The following CARD6 variants were observed in gnomAD, a reference collection of about 807,000 sequenced individuals.
The protein encoded by CARD6 is caspase recruitment domain-containing protein 6.
In CARD6, 27 loss-of-function variants were observed where a neutral mutation model predicts 23.6. The ratio of observed to expected loss-of-function variants is 1.14; its 90% CI spans 0.84 to 1.58. The LOEUF (loss-of-function observed/expected upper bound fraction) is 1.58. CARD6 is among the 40% of genes most tolerant of loss of function. The probability of loss-of-function intolerance (pLI) is 0.00; values close to 1 mark genes in which losing one functional copy is unlikely to be tolerated. For missense variants in CARD6, 1,214 were observed against 1,209.9 expected (o/e 1.00, Z -0.05); for synonymous variants, 397 against 431.8 (o/e 0.92, Z 1.00).
chr5:40,843,333 T>C lies in CARD6; in HGVS notation c.465T>C (p.Tyr155=). The C allele has an allele frequency of 1.9e-6, 3 of 1,614,098 alleles. No homozygotes were observed. The highest frequency in any genetic ancestry group is 2.5e-6 in the Non-Finnish European group (3 of 1,180,020). The change falls in exon 2 of 3, where the codon TAT becomes TAC. Residue 155 remains tyrosine, a synonymous_variant. Coordinates refer to ENST00000254691, the MANE Select transcript of CARD6 (RefSeq NM_032587.4). Reference sequence around the variant, plus strand: ...TTTTCAGGGACAAGAAAACTAGTTATAGGGAAACAGCTTTGTCTGCCAGGA... The same window carrying C: ...TTTTCAGGGACAAGAAAACTAGTTACAGGGAAACAGCTTTGTCTGCCAGGA... ...SEFFRDKKTS[Y]RETALSARKN...
At position 40,853,831 on chromosome 5, in the gene CARD6, A is replaced by C; in HGVS notation, c.2499A>C (p.Pro833=). 6.2e-7 allele frequency: 1 copy of C among 1,614,218 alleles called. No homozygotes were observed. Among genetic ancestry groups the C allele is most frequent in the Non-Finnish European group, 8.5e-7 (1 of 1,180,036 alleles). The part of the protein sequence containing the change: ...CQHVQACPER[P]QMMGTLERSR... Reference sequence around the variant, plus strand: ...ATGTACAGGCCTGCCCTGAGAGACCACAAATGATGGGAACTCTTGAAAGGT... The same window carrying C: ...ATGTACAGGCCTGCCCTGAGAGACCCCAAATGATGGGAACTCTTGAAAGGT... Residue 833 remains proline (P), a synonymous_variant, in exon 3 of 3, where the codon CCA becomes CCC. Coordinates refer to ENST00000254691, the MANE Select transcript of CARD6 (RefSeq NM_032587.4).
In CARD6 at chr5:40,841,622, T is replaced by C; in HGVS notation, c.240T>C (p.Phe80=). Residue 80 remains phenylalanine (F), a synonymous_variant, in exon 1 of 3, where the codon TTT becomes TTC. Coordinates refer to ENST00000254691, the MANE Select transcript of CARD6 (RefSeq NM_032587.4). ...GTCAGCATTTTCTCAAGTGTTTATT[T>C]AGTACTTTTCCACAGTCAGCTGCCA... The part of the protein sequence containing the change: ...ATCQHFLKCL[F]STFPQSAAIC... The C allele has an allele frequency of 6.2e-7, 1 of 1,614,148 alleles. No homozygotes were observed. The highest frequency in any genetic ancestry group is 1.3e-5 in the African/African-American group (1 of 75,046).
chr5:40,853,873 C>T lies in CARD6; in HGVS notation c.2541C>T (p.Ser847=). The change falls in exon 3 of 3, where the codon TCC becomes TCT. Residue 847 remains serine, a synonymous_variant. Coordinates refer to ENST00000254691, the MANE Select transcript of CARD6 (RefSeq NM_032587.4). ...GTLERSRAVA[S]KIGHSYSLDS... is the part of the protein sequence containing the mutation. ...TTGAAAGGTCTAGGGCAGTAGCCTC[C>T]AAGATAGGTCACTCCTATTCCCTGG... 6.2e-7 allele frequency: 1 copy of T among 1,614,166 alleles called. No homozygotes were observed. The highest frequency in any genetic ancestry group is 1.1e-5 in the South Asian group (1 of 91,084).
At chr5:40,851,679 G>A (rs970680278) in intron 2 of CARD6, among the ~76,000 whole-genome samples, 2 of 152,040 alleles carry the variant, frequency 1.3e-5, no homozygotes, top group African/African-American at 4.8e-5. Context: ...AGCCGGGCAT[G>A]GTGGCATACA....
At chr5:40,845,280 A>G (rs1467496584) in intron 2 of CARD6, among the ~76,000 whole-genome samples, 1 of 152,110 alleles carries the variant, frequency 6.6e-6, no homozygotes, top group Non-Finnish European at 1.5e-5. Context: ...ATATGCCTTC[A>G]CCTTCAAATG....
chr5:40,848,209 T>TG (rs1745996576), intron 2 of CARD6, among the ~76,000 whole-genome samples: 1 of 145,686 alleles, frequency 6.9e-6, no homozygotes, highest in African/African-American at 2.6e-5. Flanking sequence ...TAATTTTAAT[T>TG]GTTTTTTTTT....
Position 40,852,608 on chromosome 5 carries a change from G to A in CARD6, c.1276G>A (p.Asp426Asn), listed in dbSNP as rs148937373. 22 of 1,614,048 alleles carry A rather than the reference G, an allele frequency of 1.4e-5. No homozygotes were observed. Among genetic ancestry groups the A allele is most frequent in the Non-Finnish European group, 5.1e-6 (6 of 1,180,030 alleles). The change falls in exon 3 of 3, where the codon GAC becomes AAC. Residue 426 changes from aspartate to asparagine, a missense_variant. Transcript: ENST00000254691. ...CATCTTAATGCTGGGGGCCATGAAA[G>A]ACATTGTGAAGAAGCAGTCAACACA... ...KSILMLGAMK[D>N]IVKKQSTQFS...
At position 40,853,223 on chromosome 5, in the gene CARD6, G is replaced by T. The variant is rs1340324547; in HGVS notation, c.1891G>T (p.Glu631Ter). ...NMEGLQAALQEVMFSSCLRCV... is the reference protein window; with the variant it reads ...NMEGLQAALQ ...GGAGGGCCTTCAAGCTGCCCTCCAGGAAGTGATGTTCTCTTCTTGCCTCAG... is the reference window on the plus strand; with the variant it reads ...GGAGGGCCTTCAAGCTGCCCTCCAGTAAGTGATGTTCTCTTCTTGCCTCAG... The change falls in exon 3 of 3, where the codon GAA (glutamate) becomes TAA (stop). Residue 631 changes from glutamate (E) to a stop codon, truncating the protein, a stop_gained. Transcript: ENST00000254691. LOFTEE classifies it low-confidence loss of function (END_TRUNC). The T allele has an allele frequency of 6.2e-7, 1 of 1,614,078 alleles. No homozygotes were observed. The highest frequency in any genetic ancestry group is 8.5e-7 in the Non-Finnish European group (1 of 1,180,046).
chr5:40,843,897 G>A (rs1363573932), intron 2 of CARD6, among the ~76,000 whole-genome samples, 188 bp downstream of exon 2: 1 of 152,144 alleles, frequency 6.6e-6, no homozygotes, highest in Non-Finnish European at 1.5e-5. Flanking sequence ...GAGCTCCCAG[G>A]ACCTAGGAAA....
rs753961660 is a variant in CARD6, at chr5:40,841,618, T to G, written c.236T>G (p.Leu79Ter). 16 of 1,614,084 alleles carry G rather than the reference T, an allele frequency of 9.9e-6. No homozygotes were observed. In the South Asian group the frequency reaches 1.8e-4, roughly 18 times the overall value. The change falls in exon 1 of 3, where the codon TTA becomes TGA. Residue 79 changes from leucine (L) to a stop codon, truncating the protein, a stop_gained. Transcript: ENST00000254691. LOFTEE classifies it high-confidence loss of function. ...ACCTGTCAGCATTTTCTCAAGTGTT[T>G]ATTTAGTACTTTTCCACAGTCAGCT... ...EATCQHFLKC[L>*]FSTFPQSAAI... is the part of the protein sequence containing the mutation.
intron 2 of CARD6, among the ~76,000 whole-genome samples, chr5:40,848,657 A>G (rs866116543): frequency 1.3e-4 from 20 of 151,402 alleles, no homozygotes; most frequent in African/African-American, 4.6e-4. Flanking sequence ...GGTCATAGAG[A>G]CTCTAGATTG....
rs774583004 is a variant in CARD6, at chr5:40,843,437, C to A, written c.569C>A (p.Thr190Asn). ...VEKVGCEVPA[T>N]ITYIKDGQRY... is the part of the protein sequence containing the mutation. ...AAAGTTGGATGTGAAGTTCCAGCAA[C>A]TATTACATATATAAAAGATGGACAG... The change falls in exon 2 of 3, where the codon ACT (threonine) becomes AAT (asparagine). Residue 190 changes from threonine to asparagine, a missense_variant. Physicochemically the swap from Thr to Asn is moderately conservative, Grantham distance 65. Coordinates refer to ENST00000254691, the MANE Select transcript of CARD6 (RefSeq NM_032587.4). 4.3e-6 allele frequency: 7 copies of A among 1,613,780 alleles called. No homozygotes were observed. In the African/African-American group the frequency reaches 9.3e-5, roughly 22 times the overall value.
chr5:40,850,803 T>C (rs1210659566), intron 2 of CARD6, among the ~76,000 whole-genome samples: 4 of 151,854 alleles, frequency 2.6e-5, no homozygotes, highest in Non-Finnish European at 5.9e-5. Flanking sequence ...TTAATAAATT[T>C]TTTTTTCATT....
In CARD6 at chr5:40,852,120, T is replaced by A. The variant is rs145442851; in HGVS notation, c.842-54T>A. The A allele has an allele frequency of 1.3e-3, 1,492 of 1,169,712 alleles. 7 individuals carry two copies. In the African/African-American group the frequency reaches 0.016, roughly 13 times the overall value. 72.5% of individuals were successfully genotyped at this position (1,169,712 alleles called of 1,614,324 possible). A position where few individuals can be genotyped will look rare whatever the true frequency, so the allele number is the denominator to read the frequency against. ...AGACTGTCTCAAAAAAAGAAGTCGA[T>A]GGGGAAAATTGAAACTCTGAACATG... is the stretch of plus-strand genomic sequence containing the variant. On this transcript the variant is annotated intron_variant, in intron 2 of 2. Coordinates refer to ENST00000254691, the MANE Select transcript of CARD6 (RefSeq NM_032587.4).
intron 1 of CARD6, among the ~76,000 whole-genome samples, chr5:40,842,763 C>T (rs983067591): frequency 7.9e-5 from 12 of 152,046 alleles, no homozygotes; most frequent in Admixed American, 2.6e-4. Flanking sequence ...GGTGGCTGGG[C>T]GCTGTGGCTC....
chr5:40,853,212 C>T lies in CARD6; in HGVS notation c.1880C>T (p.Ala627Val). Residue 627 changes from alanine (A) to valine (V), a missense_variant, in exon 3 of 3, where the codon GCT becomes GTT. By Grantham distance (64) the Ala-to-Val change is moderately conservative (BLOSUM62 0). Transcript: ENST00000254691. ...DRRKNMEGLQ[A>V]ALQEVMFSSC... is the part of the protein sequence containing the mutation. Reference sequence around the variant, plus strand: ...AGGAAGAACATGGAGGGCCTTCAAGCTGCCCTCCAGGAAGTGATGTTCTCT... The same window carrying T: ...AGGAAGAACATGGAGGGCCTTCAAGTTGCCCTCCAGGAAGTGATGTTCTCT... 6.2e-7 allele frequency: 1 copy of T among 1,614,134 alleles called. No individual in the cohort carries two copies. Among genetic ancestry groups the T allele is most frequent in the Non-Finnish European group, 8.5e-7 (1 of 1,179,998 alleles).
chr5:40,841,376 A>G lies in CARD6; in HGVS notation c.-7A>G, dbSNP rs544647660. Reference sequence around the variant, plus strand: ...ATATATTTCCTGGTTTAGAGGAAACAGGAACAATGGCTACCGAGAGTACTC... The same window carrying G: ...ATATATTTCCTGGTTTAGAGGAAACGGGAACAATGGCTACCGAGAGTACTC... On this transcript the variant is annotated 5_prime_UTR_variant, in exon 1 of 3. Coordinates refer to ENST00000254691, the MANE Select transcript of CARD6 (RefSeq NM_032587.4). 23 of 1,582,080 alleles carry G rather than the reference A, an allele frequency of 1.5e-5. No individual in the cohort carries two copies. The South Asian group carries it at 2.5e-4, about 17-fold the overall frequency.
chr5:40,842,859 G>A (rs1366276125), intron 1 of CARD6, among the ~76,000 whole-genome samples: 2 of 152,110 alleles, frequency 1.3e-5, no homozygotes, highest in Non-Finnish European at 2.9e-5. Context: ...CCAACATAGT[G>A]AAACACTGTC....
intron 2 of CARD6, among the ~76,000 whole-genome samples, chr5:40,844,441 G>A (rs837388): frequency 0.6 from 90,675 of 151,926 alleles, 28,106 homozygotes; most frequent in African/African-American, 0.79. Flanking sequence ...ATGTTGCTCA[G>A]GCTGGTCTCG....
Sources: gnomAD v4.1 joint callset for allele counts (sites outside exome capture counted in the v4.1 genomes callset) on GRCh38, gnomAD v4.1.1 for gene constraint, MANE v1.5 for transcripts, NCBI Gene and HGNC (gene_info 2026-07-23, HGNC 2026-07-21) for gene names.